The following GNAL variants were observed in gnomAD, a reference collection of about 807,000 sequenced individuals.
GNAL encodes the protein G protein subunit alpha L.
A neutral mutation model predicts 55.1 loss-of-function variants in GNAL; 18 were observed. The ratio of observed to expected loss-of-function variants is 0.33; its 90% CI spans 0.23 to 0.48. The LOEUF (loss-of-function observed/expected upper bound fraction) is 0.48, where lower values mean the gene tolerates loss of function less well. GNAL is among the 20% of genes least tolerant of loss of function. The probability of loss-of-function intolerance (pLI) is 0.99; values close to 1 mark genes in which losing one functional copy is unlikely to be tolerated. For synonymous variants in GNAL, 253 were observed against 237.0 expected (o/e 1.07, Z -0.62); for missense variants, 412 against 614.1 (o/e 0.67, Z 3.48).
rs535523304 is a variant in GNAL, at chr18:11,840,009, G to T, written c.722+14994G>T. ...TTCTTAGGGTAGTGCATGCATTAGC[G>T]GTTAGAATTAAATATCTTTATTTCA... On this transcript the variant is annotated intron_variant, in intron 5 of 11. Coordinates refer to ENST00000334049, the MANE Select transcript of GNAL (RefSeq NM_182978.4). Among the ~76,000 whole-genome samples the T allele has an allele frequency of 9.9e-5, 15 of 152,154 alleles. 1 individual carries two copies. The highest frequency in any genetic ancestry group is 9.8e-4 in the Admixed American group (15 of 15,284).
intron 4 of GNAL, among the ~76,000 whole-genome samples, chr18:11,801,467 C>T (rs1401280528): frequency 6.6e-6 from 1 of 152,110 alleles, no homozygotes; most frequent in Non-Finnish European, 1.5e-5. Flanking sequence ...ACAGGAGAAT[C>T]GCTTGAACCC....
At chr18:11,796,038 AG>A (rs1008560070) in intron 4 of GNAL, among the ~76,000 whole-genome samples, 22 of 152,296 alleles carry the variant, frequency 1.4e-4, no homozygotes, top group African/African-American at 5.3e-4. Flanking sequence ...ACGGACACCA[AG>A]TATTCGCCCG....
chr18:11,876,689 G>T lies in GNAL; in HGVS notation c.1230+1G>T. 1 of 1,584,748 alleles carries T rather than the reference G, an allele frequency of 6.3e-7. No homozygotes were observed. The highest frequency in any genetic ancestry group is 8.7e-7 in the Non-Finnish European group (1 of 1,153,254). Reference sequence around the variant, plus strand: ...GTTCTTTATCCGGGACCTGTTTTTGGTAAGCAATTTTGTTAACCTTTGTTT... The same window carrying T: ...GTTCTTTATCCGGGACCTGTTTTTGTTAAGCAATTTTGTTAACCTTTGTTT... On this transcript the variant is annotated splice_donor_variant, in intron 11 of 11. Coordinates refer to ENST00000334049, the MANE Select transcript of GNAL (RefSeq NM_182978.4). LOFTEE classifies it high-confidence loss of function.
intron 5 of GNAL, among the ~76,000 whole-genome samples, chr18:11,861,067 C>T (rs939924875): frequency 2.0e-5 from 3 of 152,200 alleles, no homozygotes; most frequent in Non-Finnish European, 4.4e-5. Context: ...AACATCGCCT[C>T]CTCTGCATGA....
chr18:11,689,744 C>A lies in GNAL; in HGVS notation c.181C>A (p.Pro61Thr). ...TLLPRGGEGS[P>T]ACARPKADKP... ...GCTCCCTCGGGGCGGCGAAGGGAGCCCGGCATGCGCTCGGCCCAAAGCAGA... is the reference window on the plus strand; with the variant it reads ...GCTCCCTCGGGGCGGCGAAGGGAGCACGGCATGCGCTCGGCCCAAAGCAGA... Residue 61 changes from proline to threonine, a missense_variant, in exon 1 of 12, where the codon CCG (proline) becomes ACG (threonine). Physicochemically the swap from Pro to Thr is conservative, Grantham distance 38. This residue lies in a region of GNAL where 228 missense variants were observed against 194.8 expected (regional missense o/e 1.17). Coordinates refer to ENST00000334049, the MANE Select transcript of GNAL (RefSeq NM_182978.4). 6.6e-7 allele frequency: 1 copy of A among 1,506,690 alleles called. No individual in the cohort carries two copies. The highest frequency in any genetic ancestry group is 1.2e-5 in the South Asian group (1 of 81,040). 93.3% of individuals were successfully genotyped at this position (1,506,690 alleles called of 1,614,324 possible).
chr18:11,768,893 CAAAAAA>C (rs201256718), intron 4 of GNAL, among the ~76,000 whole-genome samples: 27 of 79,570 alleles, frequency 3.4e-4, no homozygotes, highest in South Asian at 6.7e-4. Flanking sequence ...GACTCTGTCT[CAAAAAA>C]AAAAAAAAAT....
chr18:11,847,005 AAATT>A (rs1207491393), intron 5 of GNAL, among the ~76,000 whole-genome samples: 2 of 151,464 alleles, frequency 1.3e-5, no homozygotes, highest in Non-Finnish European at 2.9e-5. Context: ...CATGTGTAAT[AAATT>A]AATATTATAT....
intron 1 of GNAL, among the ~76,000 whole-genome samples, chr18:11,750,737 C>T (rs1294137991): frequency 1.3e-5 from 2 of 152,006 alleles, no homozygotes; most frequent in Admixed American, 6.5e-5. Flanking sequence ...GGAATACAGG[C>T]GGAGTCAGAC....
At chr18:11,805,969 A>G (rs2034647755) in intron 4 of GNAL, among the ~76,000 whole-genome samples, 3 of 152,308 alleles carry the variant, frequency 2.0e-5, no homozygotes, top group East Asian at 3.9e-4. Context: ...CTTAAGAACA[A>G]TGTATAAGTG....
intron 4 of GNAL, among the ~76,000 whole-genome samples, chr18:11,790,029 A>C (rs1261467036): frequency 6.6e-6 from 1 of 152,252 alleles, no homozygotes; most frequent in Admixed American, 6.5e-5. Context: ...AGTTCCAGGA[A>C]GTAAAGGCTT....
intron 4 of GNAL, among the ~76,000 whole-genome samples, chr18:11,802,474 C>T (rs1281995319): frequency 6.6e-6 from 1 of 152,172 alleles, no homozygotes; most frequent in Non-Finnish European, 1.5e-5. Context: ...TCACCATACT[C>T]TTGAGACCAG....
intron 1 of GNAL, among the ~76,000 whole-genome samples, chr18:11,703,563 A>G (rs2031629104): frequency 6.6e-6 from 1 of 152,228 alleles, no homozygotes; most frequent in Non-Finnish European, 1.5e-5. Context: ...TTTTAATGTA[A>G]CAGCCTTCTG....
At chr18:11,840,679 G>C (rs2035594438) in intron 5 of GNAL, among the ~76,000 whole-genome samples, 1 of 152,074 alleles carries the variant, frequency 6.6e-6, no homozygotes, top group African/African-American at 2.4e-5. Flanking sequence ...GTTCTTCCCT[G>C]GAATGATCTA....
chr18:11,838,498 A>G (rs1471629771), intron 5 of GNAL, among the ~76,000 whole-genome samples: 1 of 152,226 alleles, frequency 6.6e-6, no homozygotes, highest in East Asian at 1.9e-4. Flanking sequence ...CTTTGAATAT[A>G]CAACAAAAAA....
chr18:11,740,297 G>T (rs2032549759), intron 1 of GNAL, among the ~76,000 whole-genome samples: 1 of 151,936 alleles, frequency 6.6e-6, no homozygotes, highest in Non-Finnish European at 1.5e-5. Flanking sequence ...ACATAACAGT[G>T]TTCCAGGTTT....
intron 5 of GNAL, among the ~76,000 whole-genome samples, chr18:11,828,028 C>T (rs916115950): frequency 1.3e-5 from 2 of 151,826 alleles, no homozygotes; most frequent in African/African-American, 4.8e-5. Context: ...ATTGGCCCTG[C>T]CCTTGAGTTT....
chr18:11,873,881 A>G (rs2036458331), intron 10 of GNAL, among the ~76,000 whole-genome samples: 1 of 152,000 alleles, frequency 6.6e-6, no homozygotes, highest in African/African-American at 2.4e-5. Context: ...CTGCCTCCCC[A>G]GGCCCTTCCC....
In GNAL at chr18:11,767,739, T is replaced by C. The variant is rs371313790; in HGVS notation, c.624+13794T>C. ...CTGTCTGTGCACGCTTACACTTCCA[T>C]GCTTGCTCTCTGTGTACCCTTATTT... On this transcript the variant is annotated intron_variant, in intron 4 of 11. Transcript: ENST00000334049. Among the ~76,000 whole-genome samples the C allele has an allele frequency of 4.6e-5, 7 of 152,324 alleles. No individual in the cohort carries two copies. In the East Asian group the frequency reaches 1.4e-3, roughly 29 times the overall value.
chr18:11,721,220 G>T (rs1325628578), intron 1 of GNAL, among the ~76,000 whole-genome samples: 1 of 152,190 alleles, frequency 6.6e-6, no homozygotes, highest in African/African-American at 2.4e-5. Flanking sequence ...TTTCACTCCT[G>T]ATGCTAAGGG....
Sources: allele counts gnomAD v4.1 joint callset (sites outside exome capture counted in the v4.1 genomes callset), GRCh38; gene constraint gnomAD v4.1.1; regional missense constraint gnomAD v4.1.1; transcripts MANE v1.5; gene names NCBI Gene and HGNC (gene_info 2026-07-23, HGNC 2026-07-21).